The following IGSF6 variants were observed in gnomAD, a reference collection of about 807,000 sequenced individuals.
IGSF6 encodes the protein down-regulated by activation (immunoglobulin superfamily).
In IGSF6, 23 loss-of-function variants were observed where a neutral mutation model predicts 24.7. The observed-to-expected ratio is 0.93, with a 90% CI of 0.67 to 1.32. IGSF6 has a LOEUF of 1.32. Among genes scored for constraint, IGSF6 ranks in the 40% most tolerant of loss-of-function variants. The pLI, the probability that IGSF6 is intolerant of heterozygous loss-of-function variation, is 0.00. For synonymous variants in IGSF6, 110 were observed against 113.7 expected (o/e 0.97, Z 0.21); for missense variants, 295 against 293.6 (o/e 1.00, Z -0.04).
chr16:21,652,532 C>A lies in IGSF6; in HGVS notation c.67G>T (p.Gly23Cys). 1.2e-6 allele frequency: 2 copies of A among 1,605,292 alleles called. No individual in the cohort carries two copies. Among genetic ancestry groups the A allele is most frequent in the South Asian group, 1.1e-5 (1 of 89,240 alleles). Residue 23 changes from glycine (G) to cysteine (C), a missense_variant and splice_region_variant, in exon 1 of 6, where the codon GGT becomes TGT. Physicochemically the swap from Gly to Cys is radical, Grantham distance 159 (BLOSUM62 -3). Transcript: ENST00000268389. ...AGGAGGAGAAGAAAAAGAACCTTAC[C>A]GACACAAAATAGAATGAGATTGGTT... is the stretch of plus-strand genomic sequence containing the variant. ...LQTNLILFCV[G>C]AVGACTLSVT...
At chr16:21,643,924 TTG>T (rs748369726) in intron 3 of IGSF6, among the ~76,000 whole-genome samples, 5 of 152,196 alleles carry the variant, frequency 3.3e-5, no homozygotes, top group Non-Finnish European at 7.3e-5. Flanking sequence ...CAACCCATTT[TTG>T]TTCTTAAAGA....
At chr16:21,643,274 A>T (rs1966326900) in intron 4 of IGSF6, 120 bp from the exon 5 acceptor site, 1 of 730,470 alleles carries the variant, frequency 1.4e-6, no homozygotes, top group African/African-American at 1.8e-5. Context: ...CCCTCCCCCA[A>T]CACATATGTG....
chr16:21,651,121 G>T (rs1003762079), intron 1 of IGSF6, among the ~76,000 whole-genome samples: 9 of 152,134 alleles, frequency 5.9e-5, no homozygotes, highest in Admixed American at 2.0e-4. Context: ...TACTCGGGAG[G>T]CTGAGGCAGG....
chr16:21,649,235 C>T (rs562067525), intron 1 of IGSF6, among the ~76,000 whole-genome samples: 3 of 152,282 alleles, frequency 2.0e-5, no homozygotes, highest in African/African-American at 7.2e-5. Flanking sequence ...TCAAGCGACC[C>T]GCTTGCCTCG....
In IGSF6 at chr16:21,643,080, C is replaced by T. The variant is rs777067927; in HGVS notation, c.660G>A (p.Gln220=). 5 of 1,599,402 alleles carry T rather than the reference C, an allele frequency of 3.1e-6. No homozygotes were observed. Among genetic ancestry groups the T allele is most frequent in the African/African-American group, 2.7e-5 (2 of 74,588 alleles). Reference sequence around the variant, plus strand: ...TTTGACATTTTACACTTACAGATTGCTGATTTGTTTCCACATGTCTCTTAT... The same window carrying T: ...TTTGACATTTTACACTTACAGATTGTTGATTTGTTTCCACATGTCTCTTAT... The part of the protein sequence containing the change: ...LYHKRHVETN[Q]QSEKDNNTYE... The change falls in exon 5 of 6, where the codon CAG becomes CAA. Residue 220 remains glutamine (Q), a synonymous_variant. Coordinates refer to ENST00000268389, the MANE Select transcript of IGSF6 (RefSeq NM_005849.4).
At chr16:21,641,826 G>A (rs538718887) in intron 5 of IGSF6, among the ~76,000 whole-genome samples, 41 of 152,154 alleles carry the variant, frequency 2.7e-4, no homozygotes, top group African/African-American at 9.2e-4. Flanking sequence ...GTGGCTGGGA[G>A]CTTTACAATT....
At chr16:21,648,670 C>T (rs1387514676) in intron 1 of IGSF6, among the ~76,000 whole-genome samples, 9 of 152,194 alleles carry the variant, frequency 5.9e-5, no homozygotes, top group Admixed American at 1.3e-4. Context: ...TGGAAAGACC[C>T]GCCCTAAACC....
chr16:21,642,785 A>G (rs1450950239), intron 5 of IGSF6, among the ~76,000 whole-genome samples: 5 of 152,312 alleles, frequency 3.3e-5, no homozygotes, highest in Middle Eastern at 3.4e-3. Context: ...CTTTTAATCT[A>G]TCCTTTTAAA....
At position 21,643,586 on chromosome 16, in the gene IGSF6, G is replaced by A; in HGVS notation, c.547C>T (p.Pro183Ser). The change falls in exon 4 of 6, where the codon CCT becomes TCT. Residue 183 changes from proline to serine, a missense_variant. Physicochemically the swap from Pro to Ser is moderately conservative, Grantham distance 74 (BLOSUM62 -1). Coordinates refer to ENST00000268389, the MANE Select transcript of IGSF6 (RefSeq NM_005849.4). ...TCTTTTATTTCTTTGTTTCTTAGAG[G>A]GTTGGATTTTGACTGCCAAGAAGAG... Reference protein sequence around the residue: ...FILLSKSKSNPLRNKEIKEDS... With the variant: ...FILLSKSKSNSLRNKEIKEDS... 1 of 1,606,162 alleles carries A rather than the reference G, an allele frequency of 6.2e-7. No individual in the cohort carries two copies.
At position 21,641,410 on chromosome 16, in the gene IGSF6, T is replaced by G; in HGVS notation, c.*124A>C. On this transcript the variant is annotated 3_prime_UTR_variant, in exon 6 of 6. Transcript: ENST00000268389. ...TTCCTTACATTCTGACATCCTTCTT[T>G]GTAGCCAGTTGTCTTTTCAGTTTAC... 2.1e-6 allele frequency: 1 copy of G among 486,582 alleles called. No individual in the cohort carries two copies. Among genetic ancestry groups the G allele is most frequent in the Non-Finnish European group, 3.7e-6 (1 of 272,668 alleles). 30.1% of individuals were successfully genotyped at this position (486,582 alleles called of 1,614,324 possible).
chr16:21,646,153 TCC>T (rs1555492888), intron 2 of IGSF6, among the ~76,000 whole-genome samples: 2 of 64,442 alleles, frequency 3.1e-5, no homozygotes, highest in African/African-American at 1.4e-4. Flanking sequence ...TCTCTGAAAT[TCC>T]CCCTTTTTTT....
Position 21,647,382 on chromosome 16 carries a change from A to C in IGSF6, c.178T>G (p.Ser60Ala), listed in dbSNP as rs1460362348. ...AACCACAGGCATGTTGGTTGCTCAG[A>C]AGGGCATCCGGTTGCGGAGAAGGTA... ...KCTFSATGCP[S>A]EQPTCLWFRY... The change falls in exon 2 of 6, where the codon TCT (serine) becomes GCT (alanine). Residue 60 changes from serine to alanine, a missense_variant. By Grantham distance (99) the Ser-to-Ala change is moderately conservative. Transcript: ENST00000268389. The C allele has an allele frequency of 5.0e-6, 8 of 1,613,978 alleles. No homozygotes were observed. The African/African-American group carries it at 1.1e-4, about 22-fold the overall frequency.
chr16:21,644,199 A>G, intron 3 of IGSF6, 91 bp downstream of exon 3: 1 of 886,408 alleles, frequency 1.1e-6, no homozygotes, highest in Non-Finnish European at 1.8e-6. Flanking sequence ...GCTCTTGCTG[A>G]GGCCCATAAC....
rs1966195257 is a variant in IGSF6, at chr16:21,639,653, T to G, written c.*1881A>C. 6.6e-6 allele frequency: 1 copy of G among 152,222 alleles called. No homozygotes were observed. Among genetic ancestry groups the G allele is most frequent in the Non-Finnish European group, 1.5e-5 (1 of 68,042 alleles). The allele number at this position is 152,222 out of a possible 1,614,324, so 9.4% of individuals were successfully genotyped here. On this transcript the variant is annotated 3_prime_UTR_variant, in exon 6 of 6. Coordinates refer to ENST00000268389, the MANE Select transcript of IGSF6 (RefSeq NM_005849.4). ...GTGTATAAGGTACAAAGGTACATTT[T>G]CATGCATATACCGTATACAAAACAC...
At position 21,647,512 on chromosome 16, in the gene IGSF6, A is replaced by C. The variant is rs199824045; in HGVS notation, c.68-20T>G. 251 of 1,596,648 alleles carry C rather than the reference A, an allele frequency of 1.6e-4. No homozygotes were observed. Among genetic ancestry groups the C allele is most frequent in the Non-Finnish European group, 1.8e-4 (212 of 1,167,902 alleles). ...CAGCACCTGTGGGAGGAAGCAGATGAGTGGGTTAATGGGCCTGCCACCTCA... is the reference window on the plus strand; with the variant it reads ...CAGCACCTGTGGGAGGAAGCAGATGCGTGGGTTAATGGGCCTGCCACCTCA... On this transcript the variant is annotated intron_variant, in intron 1 of 5. Transcript: ENST00000268389.
Position 21,644,359 on chromosome 16 carries a change from C to T in IGSF6, c.465G>A (p.Leu155=). The change falls in exon 3 of 6, where the codon CTG becomes CTA. Residue 155 remains leucine (L), a synonymous_variant. Coordinates refer to ENST00000268389, the MANE Select transcript of IGSF6 (RefSeq NM_005849.4). ...CAGAGAGCAGTGATACAAGAGCTGTCAGGAAGCTCCGCAGTTCCTTGCTGA... is the reference window on the plus strand; with the variant it reads ...CAGAGAGCAGTGATACAAGAGCTGTTAGGAAGCTCCGCAGTTCCTTGCTGA... The part of the protein sequence containing the change: ...KLLSKELRSF[L]TALVSLLSVY... 6.2e-7 allele frequency: 1 copy of T among 1,613,982 alleles called. No homozygotes were observed. Among genetic ancestry groups the T allele is most frequent in the Non-Finnish European group, 8.5e-7 (1 of 1,179,900 alleles).
chr16:21,641,532 T>C lies in IGSF6; in HGVS notation c.*2A>G. ...GTGACTTCATTGAAAATTAAAACGT[T>C]TCTATGGCCTTTCATAGTTGGAAAG... On this transcript the variant is annotated 3_prime_UTR_variant, in exon 6 of 6. Coordinates refer to ENST00000268389, the MANE Select transcript of IGSF6 (RefSeq NM_005849.4). 6.4e-7 allele frequency: 1 copy of C among 1,574,512 alleles called. No homozygotes were observed. Among genetic ancestry groups the C allele is most frequent in the Non-Finnish European group, 8.7e-7 (1 of 1,148,390 alleles).
intron 2 of IGSF6, among the ~76,000 whole-genome samples, chr16:21,644,653 T>C (rs1966377174): frequency 6.6e-6 from 1 of 152,214 alleles, no homozygotes; most frequent in African/African-American, 2.4e-5. Flanking sequence ...CCATTTGTCA[T>C]ATTGCTAAGC....
chr16:21,647,483 C>T lies in IGSF6; in HGVS notation c.77G>A (p.Gly26Asp). The T allele has an allele frequency of 6.2e-7, 1 of 1,609,488 alleles. No homozygotes were observed. Among genetic ancestry groups the T allele is most frequent in the Non-Finnish European group, 8.5e-7 (1 of 1,176,276 alleles). ...TTGTGTGACAGAGAGAGTACAGGCGCCCACAGCACCTGTGGGAGGAAGCAG... is the reference window on the plus strand; with the variant it reads ...TTGTGTGACAGAGAGAGTACAGGCGTCCACAGCACCTGTGGGAGGAAGCAG... ...NLILFCVGAV[G>D]ACTLSVTQPW... The change falls in exon 2 of 6, where the codon GGC becomes GAC. Residue 26 changes from glycine to aspartate, a missense_variant. Coordinates refer to ENST00000268389, the MANE Select transcript of IGSF6 (RefSeq NM_005849.4).
Sources: gnomAD v4.1 joint callset for allele counts (sites outside exome capture counted in the v4.1 genomes callset) on GRCh38, gnomAD v4.1.1 for gene constraint, MANE v1.5 for transcripts, NCBI Gene and HGNC (gene_info 2026-07-23, HGNC 2026-07-21) for gene names.